NBAS: variants seen among roughly 807,000 people sequenced by gnomAD.
NBAS encodes NAG/BC035112 fusion.
In NBAS, 219 loss-of-function variants were observed where a neutral mutation model predicts 302.5. The ratio of observed to expected loss-of-function variants is 0.72; its 90% CI spans 0.65 to 0.81. NBAS has a LOEUF of 0.81. Ranked by LOEUF, NBAS falls within the 30% of genes least tolerant of loss-of-function variation. NBAS has a pLI of 0.00. For missense variants in NBAS, 2,932 were observed against 2,841.6 expected (o/e 1.03, Z -0.72); for synonymous variants, 1,118 against 1,021.6 (o/e 1.09, Z -1.80).
At chr2:15,260,647 G>A (rs141131572) in intron 44 of NBAS, among the ~76,000 whole-genome samples, 11 of 152,244 alleles carry the variant, frequency 7.2e-5, no homozygotes, top group South Asian at 6.2e-4. Flanking sequence ...ATGACATTAT[G>A]TTAAAGGACT....
chr2:14,854,333 A>G, the NBAS span, among the ~76,000 whole-genome samples: 2 of 151,982 alleles, frequency 1.3e-5, no homozygotes, highest in African/African-American at 4.8e-5. Context: ...AGATCAGACC[A>G]AAAATAAATG....
chr2:15,016,613 G>A, the NBAS span, among the ~76,000 whole-genome samples: 1 of 130,492 alleles, frequency 7.7e-6, no homozygotes, highest in African/African-American at 2.7e-5. Flanking sequence ...ACAAAAATAG[G>A]AGAAAAAAAT....
chr2:15,004,854 A>T, the NBAS span, among the ~76,000 whole-genome samples: 1 of 152,050 alleles, frequency 6.6e-6, no homozygotes, highest in African/African-American at 2.4e-5. Context: ...TTCAGGGATC[A>T]GTGAGTGACA....
intron 41 of NBAS, among the ~76,000 whole-genome samples, chr2:15,288,611 G>C (rs773086462): frequency 1.3e-5 from 2 of 152,216 alleles, no homozygotes; most frequent in Non-Finnish European, 2.9e-5. Context: ...GGCATATAAA[G>C]AGTTCCAAGA....
chr2:14,795,474 C>CATATATATATATATAT, the NBAS span, among the ~76,000 whole-genome samples: 3 of 147,754 alleles, frequency 2.0e-5, no homozygotes, highest in African/African-American at 7.9e-5. Context: ...CAAGATTTTA[C>CATATATATATATATAT]ATATATATAT....
At chr2:15,465,293 C>A (rs1679675929) in intron 19 of NBAS, among the ~76,000 whole-genome samples, 2 of 152,220 alleles carry the variant, frequency 1.3e-5, no homozygotes, top group African/African-American at 4.8e-5. Flanking sequence ...CTGAAATCTG[C>A]CTGCCTTTTG....
chr2:14,851,426 T>C, the NBAS span, among the ~76,000 whole-genome samples: 2 of 151,788 alleles, frequency 1.3e-5, no homozygotes, highest in African/African-American at 4.9e-5. Context: ...GCTGAAATTG[T>C]GGCAATAATC....
intron 21 of NBAS, among the ~76,000 whole-genome samples, chr2:15,439,721 G>A (rs11887396): frequency 0.012 from 1,851 of 152,332 alleles, 34 homozygotes; most frequent in African/African-American, 0.042. Flanking sequence ...CACTCGGGAA[G>A]CGCAAGGGGT....
chr2:15,495,056 T>C (rs557145116), intron 11 of NBAS, among the ~76,000 whole-genome samples: 11 of 152,220 alleles, frequency 7.2e-5, no homozygotes, highest in African/African-American at 2.2e-4. Context: ...GCACAGAAAA[T>C]GGTGAGTAGT....
intron 51 of NBAS, among the ~76,000 whole-genome samples, chr2:15,172,465 A>T (rs994835331): frequency 2.4e-4 from 36 of 152,314 alleles, no homozygotes; most frequent in African/African-American, 8.4e-4. Context: ...GTTGTATAGA[A>T]GTTTTACACT....
chr2:15,064,527 A>C, the NBAS span, among the ~76,000 whole-genome samples: 3 of 152,148 alleles, frequency 2.0e-5, no homozygotes, highest in Non-Finnish European at 4.4e-5. Context: ...ATAAAGAAAC[A>C]GAAAAATCTG....
intron 44 of NBAS, among the ~76,000 whole-genome samples, chr2:15,263,864 G>A (rs1272594119): frequency 6.6e-6 from 1 of 152,120 alleles, no homozygotes; most frequent in Non-Finnish European, 1.5e-5. Context: ...CTGTCAAGTC[G>A]ACATCCTGCG....
chr2:15,051,369 T>C, the NBAS span, among the ~76,000 whole-genome samples: 2 of 152,130 alleles, frequency 1.3e-5, no homozygotes, highest in Admixed American at 6.6e-5. Flanking sequence ...ACACTGGTAT[T>C]TCATGAAGGT....
At chr2:15,210,034 T>A (rs375943775) in intron 48 of NBAS, among the ~76,000 whole-genome samples, 2 of 152,080 alleles carry the variant, frequency 1.3e-5, no homozygotes, top group African/African-American at 2.4e-5. Context: ...AAAGGAAACA[T>A]TGAGGAAACT....
chr2:15,554,308 T>G (rs1664540319), intron 3 of NBAS, among the ~76,000 whole-genome samples, 170 bp from the exon 4 acceptor site: 1 of 152,050 alleles, frequency 6.6e-6, no homozygotes, highest in Non-Finnish European at 1.5e-5. Flanking sequence ...TAGCTGAAAT[T>G]TGACCATATA....
intron 9 of NBAS, among the ~76,000 whole-genome samples, chr2:15,520,022 G>T (rs1356408583): frequency 6.6e-6 from 1 of 152,074 alleles, no homozygotes; most frequent in Non-Finnish European, 1.5e-5. Flanking sequence ...TCATTCCCTG[G>T]CAATTTGATA....
At chr2:14,927,870 C>A in the NBAS span, among the ~76,000 whole-genome samples, 4 of 152,106 alleles carry the variant, frequency 2.6e-5, no homozygotes, top group African/African-American at 9.7e-5. Context: ...TATTCAAGTT[C>A]TTTGCTCATT....
the NBAS span, among the ~76,000 whole-genome samples, chr2:14,913,464 C>T: frequency 6.6e-6 from 1 of 152,180 alleles, no homozygotes; most frequent in Non-Finnish European, 1.5e-5. Context: ...GGAGAGAAAG[C>T]ATGGGTAAAA....
the NBAS span, among the ~76,000 whole-genome samples, chr2:14,895,694 C>G: frequency 2.0e-5 from 3 of 149,758 alleles, no homozygotes; most frequent in African/African-American, 7.4e-5. Flanking sequence ...GAGCTGAGAT[C>G]GCGCCACCGC....
Sources: allele counts gnomAD v4.1 joint callset (sites outside exome capture counted in the v4.1 genomes callset), GRCh38; gene constraint gnomAD v4.1.1; transcripts MANE v1.5; gene names NCBI Gene and HGNC (gene_info 2026-07-23, HGNC 2026-07-21).